The following GLIS3 variants were observed in gnomAD, a reference collection of about 807,000 sequenced individuals.
The protein encoded by GLIS3 is GLIS family zinc finger 3, also known as zinc finger protein GLIS3.
Under a neutral mutation model 78.6 loss-of-function variants are expected in GLIS3, and 53 were observed. The ratio of observed to expected loss-of-function variants is 0.67; its 90% CI spans 0.54 to 0.85. The LOEUF is 0.85. Ranked by LOEUF, GLIS3 falls within the 40% of genes least tolerant of loss-of-function variation. GLIS3 has a pLI of 0.00. For synonymous variants in GLIS3, 684 were observed against 509.9 expected, an observed-to-expected ratio of 1.34 and a Z score of -4.60; for missense variants, 1,703 against 1,231.1, an observed-to-expected ratio of 1.38 and a Z score of -5.74.
At chr9:3,847,729 C>T (rs1312350117) in intron 9 of GLIS3, among the ~76,000 whole-genome samples, 1 of 152,202 alleles carries the variant, frequency 6.6e-6, no homozygotes, top group Non-Finnish European at 1.5e-5. Context: ...TCTGCATATA[C>T]ACCTAAAATT....
rs139370808 is a variant in GLIS3 at position 3,955,155 on chromosome 9, G to A, written c.1711-17966C>T. Among the ~76,000 whole-genome samples the A allele has an allele frequency of 4.6e-5, 7 of 152,256 alleles. No individual in the cohort carries two copies. The South Asian group carries it at 6.2e-4, about 14-fold the overall frequency. ...GAACAGAGCCGTAAATCAGAGAGAC[G>A]TTGCAAATGCATGGCCTCCCAGGGT... On this transcript the variant is annotated intron_variant, in intron 4 of 10. Transcript: ENST00000381971.
chr9:3,933,371 T>C (rs1226430715), intron 5 of GLIS3, among the ~76,000 whole-genome samples: 3 of 152,178 alleles, frequency 2.0e-5, no homozygotes, highest in African/African-American at 7.2e-5. Context: ...TCGTGCTTAG[T>C]ACATAATAGA....
intron 8 of GLIS3, among the ~76,000 whole-genome samples, chr9:3,863,531 C>G (rs1340135711): frequency 6.6e-6 from 1 of 152,150 alleles, no homozygotes; most frequent in Non-Finnish European, 1.5e-5. Flanking sequence ...GCTTGTGCTC[C>G]CTATGAGAGG....
chr9:4,482,901 A>C, the GLIS3 span, among the ~76,000 whole-genome samples: 1 of 152,210 alleles, frequency 6.6e-6, no homozygotes. Context: ...GTTTATTTGG[A>C]TGGTGGAATT....
intron 4 of GLIS3, among the ~76,000 whole-genome samples, chr9:4,053,334 A>T (rs547108212): frequency 6.6e-6 from 1 of 152,154 alleles, no homozygotes; most frequent in Non-Finnish European, 1.5e-5. Context: ...ATCCAGGCCC[A>T]GCTCACTGAC....
At chr9:4,182,254 AT>A (rs1241105363) in intron 2 of GLIS3, among the ~76,000 whole-genome samples, 1 of 152,224 alleles carries the variant, frequency 6.6e-6, no homozygotes, top group South Asian at 2.1e-4. Flanking sequence ...TGTGTAAAAA[AT>A]TTTTTTGGAA....
intron 2 of GLIS3, among the ~76,000 whole-genome samples, chr9:4,221,918 T>G (rs979625641): frequency 2.0e-5 from 3 of 152,218 alleles, no homozygotes; most frequent in Admixed American, 1.3e-4. Context: ...TCATGCCACT[T>G]ATTTAAGAGT....
At chr9:3,982,538 C>T (rs1364989965) in intron 4 of GLIS3, among the ~76,000 whole-genome samples, 3 of 152,314 alleles carry the variant, frequency 2.0e-5, no homozygotes, top group African/African-American at 7.2e-5. Flanking sequence ...GAAGCTTCTT[C>T]TTTTTCTTGT....
At chr9:3,847,015 C>G (rs1020344930) in intron 9 of GLIS3, among the ~76,000 whole-genome samples, 1 of 152,052 alleles carries the variant, frequency 6.6e-6, no homozygotes, top group Non-Finnish European at 1.5e-5. Flanking sequence ...AAAACGGTGT[C>G]TCTACTAAAA....
At chr9:4,288,112 A>G (rs776353706) in intron 1 of GLIS3, among the ~76,000 whole-genome samples, 1 of 152,154 alleles carries the variant, frequency 6.6e-6, no homozygotes, top group Non-Finnish European at 1.5e-5. Context: ...TAAAATTCCA[A>G]TGCTTTTTAT....
chr9:3,846,251 A>G (rs746344364), intron 9 of GLIS3, among the ~76,000 whole-genome samples: 1 of 152,184 alleles, frequency 6.6e-6, no homozygotes, highest in African/African-American at 2.4e-5. Context: ...AAAAATTTCC[A>G]TAATACTGTA....
rs150337820 is a variant in GLIS3 at position 4,025,225 on chromosome 9, C to A, written c.1711-88036G>T. On this transcript the variant is annotated intron_variant, in intron 4 of 10. Transcript: ENST00000381971. ...CAAGATGGCGGCACTGCACTCCAAC[C>A]TAGGCAACAGTGAGACTCCGTCTCA... 1.6e-4 allele frequency among the ~76,000 whole-genome samples: 24 copies of A among 151,816 alleles called. No individual in the cohort carries two copies. The East Asian group carries it at 3.3e-3, about 21-fold the overall frequency.
chr9:4,122,408 A>G (rs1239050569), intron 3 of GLIS3, among the ~76,000 whole-genome samples: 1 of 152,240 alleles, frequency 6.6e-6, no homozygotes, highest in Non-Finnish European at 1.5e-5. Flanking sequence ...AACTGTTACA[A>G]TTTACAGAGA....
intron 2 of GLIS3, among the ~76,000 whole-genome samples, chr9:4,323,121 C>T (rs1034464578): frequency 7.9e-5 from 12 of 152,000 alleles, no homozygotes; most frequent in African/African-American, 2.4e-4. Context: ...CAGTTTCAGC[C>T]TTCTACATAT....
intron 1 of GLIS3, chr9:4,298,606 T>C (rs1816819733): frequency 8.4e-6 from 2 of 239,128 alleles, no homozygotes; most frequent in South Asian, 3.8e-5. Flanking sequence ...TTATAGGGAC[T>C]GGAGCCGCGC....
chr9:4,459,040 C>A, the GLIS3 span, among the ~76,000 whole-genome samples: 1 of 152,018 alleles, frequency 6.6e-6, no homozygotes, highest in Admixed American at 6.6e-5. Flanking sequence ...TGGCAAGTCA[C>A]TGGAAAATAA....
At chr9:3,993,623 C>A (rs573776840) in intron 4 of GLIS3, among the ~76,000 whole-genome samples, 7 of 152,254 alleles carry the variant, frequency 4.6e-5, no homozygotes, top group African/African-American at 1.4e-4. Flanking sequence ...TCCACATATG[C>A]CTACATATGC....
chr9:4,117,303 G>T (rs1464677511), intron 4 of GLIS3, among the ~76,000 whole-genome samples: 1 of 152,188 alleles, frequency 6.6e-6, no homozygotes, highest in African/African-American at 2.4e-5. Context: ...TAGCCAAGTT[G>T]CTAAGTGGTG....
At chr9:4,452,197 C>A in the GLIS3 span, among the ~76,000 whole-genome samples, 1 of 152,092 alleles carries the variant, frequency 6.6e-6, no homozygotes, top group Admixed American at 6.5e-5. Context: ...TTATTTATGA[C>A]AAATCCACAG....
Sources: allele counts gnomAD v4.1 joint callset (sites outside exome capture counted in the v4.1 genomes callset), GRCh38; gene constraint gnomAD v4.1.1; transcripts MANE v1.5; gene names NCBI Gene and HGNC (gene_info 2026-07-23, HGNC 2026-07-21).